The following CFAP95 variants were observed in gnomAD, a reference collection of about 807,000 sequenced individuals.
The protein encoded by CFAP95 is cilia and flagella associated protein 95.
the CFAP95 span, among the ~76,000 whole-genome samples, chr9:69,859,114 G>A: frequency 6.6e-6 from 1 of 152,110 alleles, no homozygotes; most frequent in African/African-American, 2.4e-5. Flanking sequence ...ACTCATATCA[G>A]TTCAGAGAAA....
chr9:69,834,562 C>T, the CFAP95 span, among the ~76,000 whole-genome samples: 9 of 152,316 alleles, frequency 5.9e-5, no homozygotes, highest in South Asian at 1.5e-3. Context: ...TAAACTGTTA[C>T]GATAGACAAA....
the CFAP95 span, among the ~76,000 whole-genome samples, chr9:69,836,814 T>C: frequency 6.6e-6 from 1 of 151,100 alleles, no homozygotes; most frequent in Non-Finnish European, 1.5e-5. Flanking sequence ...TGTGCCATGC[T>C]GGTGCGCTGC....
At chr9:69,905,970 A>G in the CFAP95 span, 1 of 1,605,614 alleles carries the variant, frequency 6.2e-7, no homozygotes, top group Admixed American at 1.7e-5. Flanking sequence ...CCCTGTCAAG[A>G]TGATTATTCC....
At chr9:69,844,550 T>A in the CFAP95 span, 1 of 1,609,648 alleles carries the variant, frequency 6.2e-7, no homozygotes, top group Non-Finnish European at 8.5e-7. Flanking sequence ...CCAAAGGTTA[T>A]GATATAGAGG....
At chr9:69,821,962 AGAAGCATTTGGTTTACTTCTT>A in the CFAP95 span, among the ~76,000 whole-genome samples, 1 of 152,152 alleles carries the variant, frequency 6.6e-6, no homozygotes, top group Non-Finnish European at 1.5e-5. Flanking sequence ...CTTGGCCCCA[AGAAGCATTTGGTTTACTTCTT>A]GTGCTTTAGA....
the CFAP95 span, among the ~76,000 whole-genome samples, chr9:69,821,949 T>G: frequency 3.9e-5 from 6 of 152,206 alleles, no homozygotes; most frequent in Admixed American, 3.9e-4. Flanking sequence ...GTGTAAGTTC[T>G]TGCTTGGCCC....
the CFAP95 span, among the ~76,000 whole-genome samples, chr9:69,866,360 G>A: frequency 6.6e-6 from 1 of 152,178 alleles, no homozygotes; most frequent in Non-Finnish European, 1.5e-5. Flanking sequence ...GAGTCTGAAG[G>A]CTGGAGGGCC....
the CFAP95 span, among the ~76,000 whole-genome samples, chr9:69,832,214 A>G: frequency 6.6e-6 from 1 of 152,228 alleles, no homozygotes; most frequent in East Asian, 1.9e-4. Context: ...GCAGTCTCTC[A>G]GAGGTTAGGA....
At chr9:69,864,495 G>C in the CFAP95 span, among the ~76,000 whole-genome samples, 833 of 152,268 alleles carry the variant, frequency 5.5e-3, 11 homozygotes, top group African/African-American at 0.019. Flanking sequence ...TGGAAAATGA[G>C]GGGATTGAAC....
At chr9:69,833,017 A>G in the CFAP95 span, among the ~76,000 whole-genome samples, 1 of 152,212 alleles carries the variant, frequency 6.6e-6, no homozygotes, top group African/African-American at 2.4e-5. Context: ...CAATTTTATT[A>G]AGATGTAATT....
the CFAP95 span, among the ~76,000 whole-genome samples, chr9:69,825,897 T>C: frequency 6.6e-6 from 1 of 152,190 alleles, no homozygotes; most frequent in South Asian, 2.1e-4. Context: ...GTCTCCATGG[T>C]GACATTTAGT....
the CFAP95 span, among the ~76,000 whole-genome samples, chr9:69,876,656 A>G: frequency 2.0e-5 from 3 of 151,662 alleles, no homozygotes; most frequent in Admixed American, 2.0e-4. Context: ...TTTTTTTGAG[A>G]TGGAGTCTTG....
chr9:69,865,198 C>T, the CFAP95 span, among the ~76,000 whole-genome samples: 1 of 152,136 alleles, frequency 6.6e-6, no homozygotes, highest in African/African-American at 2.4e-5. Context: ...TGCCTTCCAC[C>T]ATCATTGTAA....
the CFAP95 span, among the ~76,000 whole-genome samples, chr9:69,853,572 C>A: frequency 6.6e-6 from 1 of 152,166 alleles, no homozygotes; most frequent in Non-Finnish European, 1.5e-5. Context: ...TACATATATA[C>A]AAAGCCCAAA....
At chr9:69,844,116 GA>G in the CFAP95 span, among the ~76,000 whole-genome samples, 1 of 151,958 alleles carries the variant, frequency 6.6e-6, no homozygotes, top group Non-Finnish European at 1.5e-5. Context: ...GTCTTGTTTT[GA>G]AAAAAATTGT....
chr9:69,844,463 C>T, the CFAP95 span: 3 of 1,085,370 alleles, frequency 2.8e-6, no homozygotes, highest in African/African-American at 1.7e-5. Flanking sequence ...AATCTGAATG[C>T]AATACAGAAT....
chr9:69,882,963 A>G, the CFAP95 span, among the ~76,000 whole-genome samples: 1 of 152,186 alleles, frequency 6.6e-6, no homozygotes, highest in Non-Finnish European at 1.5e-5. Flanking sequence ...CTGGCCTCTT[A>G]GAATGAATTT....
chr9:69,887,696 T>A, the CFAP95 span, among the ~76,000 whole-genome samples: 161 of 152,354 alleles, frequency 1.1e-3, no homozygotes, highest in African/African-American at 3.6e-3. Flanking sequence ...CACAAGCCAC[T>A]CACCATTGAA....
At chr9:69,893,866 C>G in the CFAP95 span, among the ~76,000 whole-genome samples, 4,098 of 152,246 alleles carry the variant, frequency 0.027, 177 homozygotes, top group African/African-American at 0.094. Flanking sequence ...TTGCCTGACT[C>G]AATATTCACT....
Sources: gnomAD v4.1 joint callset for allele counts (sites outside exome capture counted in the v4.1 genomes callset) on GRCh38, gnomAD v4.1.1 for gene constraint, MANE v1.5 for transcripts, NCBI Gene and HGNC (gene_info 2026-07-23, HGNC 2026-07-21) for gene names.